The following RPS6KC1 variants were observed in gnomAD, a reference collection of about 807,000 sequenced individuals.
The protein encoded by RPS6KC1 is ribosomal protein S6 kinase C1.
In RPS6KC1, 54 loss-of-function variants were observed where a neutral mutation model predicts 103.8. The ratio of observed to expected loss-of-function variants is 0.52; its 90% CI spans 0.42 to 0.65. RPS6KC1 has a LOEUF of 0.65. Among genes scored for constraint, RPS6KC1 ranks in the 30% least tolerant of loss-of-function variants. RPS6KC1 has a pLI of 0.00. For missense variants in RPS6KC1, 1,151 were observed against 1,253.8 expected (o/e 0.92, Z 1.24); for synonymous variants, 439 against 438.7 (o/e 1.00, Z -0.01).
At chr1:213,408,031 G>C in the RPS6KC1 span, among the ~76,000 whole-genome samples, 2 of 152,218 alleles carry the variant, frequency 1.3e-5, no homozygotes, top group South Asian at 4.1e-4. Context: ...ATCTTAATCT[G>C]AGTGTCCTCA....
At chr1:213,196,976 A>G (rs1248695283) in intron 8 of RPS6KC1, among the ~76,000 whole-genome samples, 12 of 152,106 alleles carry the variant, frequency 7.9e-5, no homozygotes, top group African/African-American at 2.9e-4. Context: ...AGCTGGGATT[A>G]CGGGCATGTG....
chr1:213,474,164 C>T, the RPS6KC1 span, among the ~76,000 whole-genome samples: 108 of 152,248 alleles, frequency 7.1e-4, no homozygotes, highest in African/African-American at 2.4e-3. Flanking sequence ...CTCAACTGTT[C>T]CTGGGTTCGG....
chr1:213,530,930 C>T, the RPS6KC1 span, among the ~76,000 whole-genome samples: 55 of 152,218 alleles, frequency 3.6e-4, 1 homozygote, highest in Admixed American at 2.6e-4. Context: ...ATGTCAAGGG[C>T]TTTGTGGAGG....
At chr1:213,511,550 C>T in the RPS6KC1 span, among the ~76,000 whole-genome samples, 12 of 152,316 alleles carry the variant, frequency 7.9e-5, no homozygotes, top group East Asian at 2.3e-3. Flanking sequence ...CCGAATCCCC[C>T]AGCAGCCCTT....
At chr1:213,830,960 G>A in the RPS6KC1 span, among the ~76,000 whole-genome samples, 1 of 152,140 alleles carries the variant, frequency 6.6e-6, no homozygotes, top group Non-Finnish European at 1.5e-5. Flanking sequence ...GCAGCTCAAA[G>A]ACCCCCCTGC....
chr1:213,615,866 G>A, the RPS6KC1 span, among the ~76,000 whole-genome samples: 265 of 152,356 alleles, frequency 1.7e-3, 5 homozygotes, highest in East Asian at 0.045. Context: ...TCCCTACAAG[G>A]GGTGGCTGGC....
the RPS6KC1 span, among the ~76,000 whole-genome samples, chr1:213,519,137 C>T: frequency 5.3e-5 from 8 of 152,164 alleles, no homozygotes; most frequent in Non-Finnish European, 1.0e-4. Context: ...TTATTCCACC[C>T]TGGAACTTAA....
the RPS6KC1 span, among the ~76,000 whole-genome samples, chr1:213,775,486 A>G: frequency 6.6e-6 from 1 of 152,236 alleles, no homozygotes; most frequent in Non-Finnish European, 1.5e-5. Context: ...CTTGGTGCAT[A>G]TAAAAGTTAT....
the RPS6KC1 span, among the ~76,000 whole-genome samples, chr1:213,755,960 C>T: frequency 6.6e-6 from 1 of 152,198 alleles, no homozygotes; most frequent in African/African-American, 2.4e-5. Flanking sequence ...TAGGCTTCCT[C>T]CCTGGCTTTC....
chr1:213,854,504 TTCTTTC>T, the RPS6KC1 span, among the ~76,000 whole-genome samples: 115 of 150,564 alleles, frequency 7.6e-4, no homozygotes, highest in Admixed American at 4.5e-3. Context: ...TATAATCTCT[TTCTTTC>T]TCTTTCTTTC....
chr1:213,071,216 G>T (rs1221927999), intron 2 of RPS6KC1, among the ~76,000 whole-genome samples, 175 bp downstream of exon 2: 1 of 152,092 alleles, frequency 6.6e-6, no homozygotes, highest in Admixed American at 6.5e-5. Context: ...TGCAACCTCT[G>T]CCTCCTGGGT....
At chr1:213,060,334 T>G (rs548470314) in intron 1 of RPS6KC1, among the ~76,000 whole-genome samples, 2 of 152,346 alleles carry the variant, frequency 1.3e-5, no homozygotes, top group South Asian at 4.1e-4. Flanking sequence ...CTTGAAGATT[T>G]CTTGAATAAA....
the RPS6KC1 span, among the ~76,000 whole-genome samples, chr1:213,417,365 G>A: frequency 6.6e-6 from 1 of 152,156 alleles, no homozygotes; most frequent in Non-Finnish European, 1.5e-5. Context: ...TTTGTATAGC[G>A]TCTTTCAAAC....
chr1:213,052,100 A>AT lies in RPS6KC1; in HGVS notation c.105+595dup, dbSNP rs1558220577. Among the ~76,000 whole-genome samples the AT allele has an allele frequency of 3.3e-5, 5 of 152,306 alleles. No homozygotes were observed. In the South Asian group the frequency reaches 1.0e-3, roughly 32 times the overall value. ...CTTGTGTGAGCTACCATGAGGGCAC[A>AT]TTTTAAAGTTGGGAGGCTCCTTTAC... is the stretch of plus-strand genomic sequence containing the variant. On this transcript the variant is annotated intron_variant, in intron 1 of 14. Transcript: ENST00000366960.
chr1:213,595,482 C>G, the RPS6KC1 span, among the ~76,000 whole-genome samples: 1 of 152,192 alleles, frequency 6.6e-6, no homozygotes, highest in Non-Finnish European at 1.5e-5. Context: ...AGAGGACATT[C>G]CAACCACGTT....
chr1:213,314,668 T>C, the RPS6KC1 span, among the ~76,000 whole-genome samples: 1 of 151,970 alleles, frequency 6.6e-6, no homozygotes, highest in Non-Finnish European at 1.5e-5. Flanking sequence ...TTTTTTTTTT[T>C]TTTCCTTCTG....
chr1:213,745,721 G>T, the RPS6KC1 span, among the ~76,000 whole-genome samples: 1 of 152,158 alleles, frequency 6.6e-6, no homozygotes, highest in Non-Finnish European at 1.5e-5. Context: ...ACACGCTCTT[G>T]CAATAAACTG....
chr1:213,477,098 T>C, the RPS6KC1 span, among the ~76,000 whole-genome samples: 1 of 152,200 alleles, frequency 6.6e-6, no homozygotes, highest in East Asian at 1.9e-4. Flanking sequence ...GACTTAGTGG[T>C]GCTGAACTTG....
At chr1:213,483,473 A>T in the RPS6KC1 span, among the ~76,000 whole-genome samples, 12 of 152,234 alleles carry the variant, frequency 7.9e-5, no homozygotes, top group Admixed American at 7.9e-4. Context: ...ATGAAAATTT[A>T]TGTGCAAGCC....
Sources: gnomAD v4.1 joint callset for allele counts (sites outside exome capture counted in the v4.1 genomes callset) on GRCh38, gnomAD v4.1.1 for gene constraint, MANE v1.5 for transcripts, NCBI Gene and HGNC (gene_info 2026-07-23, HGNC 2026-07-21) for gene names.